NGEF: variants seen among roughly 807,000 people sequenced by gnomAD.
NGEF encodes the protein neuronal guanine nucleotide exchange factor, also known as ephexin-1.
Under a neutral mutation model 80.9 loss-of-function variants are expected in NGEF, and 31 were observed. That is an observed-to-expected ratio of 0.38 (90% CI 0.29 to 0.52). The LOEUF (loss-of-function observed/expected upper bound fraction) is 0.52, where lower values mean the gene tolerates loss of function less well. Ranked by LOEUF, NGEF falls within the 20% of genes least tolerant of loss-of-function variation. The probability of loss-of-function intolerance (pLI) is 0.84; values close to 1 mark genes in which losing one functional copy is unlikely to be tolerated. For synonymous variants in NGEF, 371 were observed against 370.2 expected, an observed-to-expected ratio of 1.00 and a Z score of -0.03; for missense variants, 709 against 926.2, an observed-to-expected ratio of 0.77 and a Z score of 3.04.
At chr2:232,924,193 C>T (rs751194739) in intron 4 of NGEF, among the ~76,000 whole-genome samples, 9 of 152,222 alleles carry the variant, frequency 5.9e-5, no homozygotes, top group Non-Finnish European at 8.8e-5. Flanking sequence ...GCCGAGATTG[C>T]GCCACTGCAC....
chr2:232,892,768 TC>T lies in NGEF; in HGVS notation c.1142+129del. ...AGTATCCCTGGCCAACTCCGGTGGC[TC>T]ATGTGGACCTTGGGAACGCAGAGGT... On this transcript the variant is annotated intron_variant, in intron 7 of 14. Coordinates refer to ENST00000264051, the MANE Select transcript of NGEF (RefSeq NM_019850.3). The surrounding 1 kb of genome is among the most constrained non-coding windows in gnomAD (Gnocchi z 4.0). The T allele has an allele frequency of 9.8e-7, 1 of 1,017,066 alleles. No individual in the cohort carries two copies. Among genetic ancestry groups the T allele is most frequent in the Non-Finnish European group, 1.5e-6 (1 of 686,502 alleles). 63.0% of individuals were successfully genotyped at this position (1,017,066 alleles called of 1,614,324 possible).
In NGEF at chr2:232,886,348, TGAG is replaced by T. The variant is rs912240848; in HGVS notation, c.1348-982_1348-980del. ...TGTGTGTGCAGTGTGTACTGTGTGATGAGGGGCCATGTGTGTGCGGTGTGTATT... is the reference window on the plus strand; with the variant it reads ...TGTGTGTGCAGTGTGTACTGTGTGATGGGCCATGTGTGTGCGGTGTGTATT... On this transcript the variant is annotated intron_variant, in intron 9 of 14. Coordinates refer to ENST00000264051, the MANE Select transcript of NGEF (RefSeq NM_019850.3). 2.7e-5 allele frequency among the ~76,000 whole-genome samples: 4 copies of T among 150,860 alleles called. No homozygotes were observed. The South Asian group carries it at 6.3e-4, about 24-fold the overall frequency.
intron 5 of NGEF, chr2:232,905,698 A>G: frequency 2.5e-6 from 1 of 395,432 alleles, no homozygotes; most frequent in South Asian, 1.7e-5. Flanking sequence ...GGAAGTGAAG[A>G]GCATCTCCGC....
intron 1 of NGEF, among the ~76,000 whole-genome samples, chr2:232,990,522 A>G: frequency 6.6e-6 from 1 of 152,076 alleles, no homozygotes; most frequent in East Asian, 1.9e-4. Context: ...TGATTATGAA[A>G]TTCATCTGCA....
intron 3 of NGEF, among the ~76,000 whole-genome samples, chr2:232,968,780 G>T (rs1466391630): frequency 6.6e-6 from 1 of 152,182 alleles, no homozygotes; most frequent in Non-Finnish European, 1.5e-5. Context: ...CCCAGTTTTG[G>T]CTAATAAGAT....
At chr2:232,970,416 G>T in intron 2 of NGEF, 88 bp from the exon 3 acceptor site, 1 of 853,648 alleles carries the variant, frequency 1.2e-6, no homozygotes, top group Non-Finnish European at 1.8e-6. Context: ...AGTAGCAGCA[G>T]TCATGCTGGA....
intron 1 of NGEF, among the ~76,000 whole-genome samples, chr2:232,977,504 G>T (rs574503704): frequency 1.3e-5 from 2 of 152,314 alleles, no homozygotes; most frequent in African/African-American, 4.8e-5. Context: ...CCTGCCTGCC[G>T]CTGGCATTGC....
chr2:232,894,001 A>G (rs1691975075), intron 6 of NGEF, among the ~76,000 whole-genome samples: 1 of 152,114 alleles, frequency 6.6e-6, no homozygotes, highest in Non-Finnish European at 1.5e-5. Flanking sequence ...GCGGATCCCC[A>G]CTGCTCAGAG....
At chr2:232,928,213 A>G (rs1009424003) in intron 3 of NGEF, 11 of 552,578 alleles carry the variant, frequency 2.0e-5, no homozygotes, top group African/African-American at 6.9e-5. Flanking sequence ...GGGAGGCGGG[A>G]GGGGCGCGCG....
chr2:232,963,293 A>G (rs1693989924), intron 3 of NGEF, among the ~76,000 whole-genome samples: 2 of 151,942 alleles, frequency 1.3e-5, no homozygotes, highest in South Asian at 4.1e-4. Flanking sequence ...CAGCTCTTTG[A>G]TGGAACAGAA....
intron 1 of NGEF, among the ~76,000 whole-genome samples, chr2:232,983,139 A>G (rs1479433351): frequency 2.0e-5 from 3 of 152,176 alleles, no homozygotes; most frequent in Non-Finnish European, 4.4e-5. Flanking sequence ...CGAGAGAAAG[A>G]TCCTGGAAAA....
chr2:232,919,524 T>G (rs755656345), intron 5 of NGEF, among the ~76,000 whole-genome samples: 22 of 152,210 alleles, frequency 1.4e-4, no homozygotes, highest in Non-Finnish European at 3.1e-4. Flanking sequence ...TCCACCATTC[T>G]TCCTGTTTAC....
At chr2:232,941,937 T>TTTTCCAGAAATTC (rs1693445139) in intron 3 of NGEF, among the ~76,000 whole-genome samples, 1 of 151,930 alleles carries the variant, frequency 6.6e-6, no homozygotes, top group East Asian at 1.9e-4. Flanking sequence ...ATAAAAATAG[T>TTTTCCAGAAATTC]CCCTTTTCCA....
rs1693009977 is a variant in NGEF, at chr2:232,924,200, G to C, written c.526+2844C>G. Among the ~76,000 whole-genome samples the C allele has an allele frequency of 2.0e-5, 3 of 152,126 alleles. No homozygotes were observed. In the South Asian group the frequency reaches 6.2e-4, roughly 31 times the overall value. ...TGCAGTGAGCCGAGATTGCGCCACT[G>C]CACTCCAGTCTGGGTGACAGAGTGA... On this transcript the variant is annotated intron_variant, in intron 4 of 14. Coordinates refer to ENST00000264051, the MANE Select transcript of NGEF (RefSeq NM_019850.3).
At chr2:232,933,148 A>AAATAAATG (rs1693253106) in intron 3 of NGEF, among the ~76,000 whole-genome samples, 1 of 151,364 alleles carries the variant, frequency 6.6e-6, no homozygotes, top group South Asian at 2.1e-4. Context: ...ATAAATAAAT[A>AAATAAATG]AATGGCACTA....
intron 4 of NGEF, among the ~76,000 whole-genome samples, chr2:232,924,595 G>A (rs143698886): frequency 2.0e-5 from 3 of 152,116 alleles, no homozygotes; most frequent in Non-Finnish European, 4.4e-5. Context: ...TTCACACATG[G>A]CTCCCTGAGG....
At chr2:232,919,777 T>C (rs1692893906) in intron 5 of NGEF, among the ~76,000 whole-genome samples, 1 of 152,198 alleles carries the variant, frequency 6.6e-6, no homozygotes. Context: ...CCCAGATTTC[T>C]GCAGCATTTC....
At chr2:232,985,743 T>G (rs1694519719) in intron 1 of NGEF, among the ~76,000 whole-genome samples, 1 of 151,556 alleles carries the variant, frequency 6.6e-6, no homozygotes, top group Admixed American at 6.6e-5. Flanking sequence ...ACAGAGACAC[T>G]CTGTCCGTCT....
At chr2:232,906,175 TCA>T (rs1692523858) in intron 5 of NGEF, among the ~76,000 whole-genome samples, 1 of 36,044 alleles carries the variant, frequency 2.8e-5, no homozygotes, top group Non-Finnish European at 5.0e-5. Flanking sequence ...GGTGGGGGGG[TCA>T]GCCCCCCGCC....
Sources: gnomAD v4.1 joint callset for allele counts (sites outside exome capture counted in the v4.1 genomes callset) on GRCh38, gnomAD v4.1.1 for gene constraint, Gnocchi (gnomAD v3.1) non-coding constraint, MANE v1.5 for transcripts, NCBI Gene and HGNC (gene_info 2026-07-23, HGNC 2026-07-21) for gene names.